ARHGEF28: variants seen among roughly 807,000 people sequenced by gnomAD.
ARHGEF28 encodes 190 kDa guanine nucleotide exchange factor.
A neutral mutation model predicts 206.6 loss-of-function variants in ARHGEF28; 152 were observed. That is an observed-to-expected ratio of 0.74 (90% CI 0.64 to 0.84). ARHGEF28 has a LOEUF of 0.84. Among genes scored for constraint, ARHGEF28 ranks in the 40% least tolerant of loss-of-function variants. ARHGEF28 has a pLI of 0.00. For missense variants in ARHGEF28, 2,028 were observed against 2,073.2 expected, an observed-to-expected ratio of 0.98 and a Z score of 0.42; for synonymous variants, 763 against 776.4, an observed-to-expected ratio of 0.98 and a Z score of 0.29.
At chr5:73,716,423 T>A (rs910045784) in intron 2 of ARHGEF28, among the ~76,000 whole-genome samples, 6 of 152,230 alleles carry the variant, frequency 3.9e-5, no homozygotes, top group Non-Finnish European at 7.3e-5. Flanking sequence ...TTGCTTATGT[T>A]TGTTTTGACT....
intron 2 of ARHGEF28, among the ~76,000 whole-genome samples, chr5:73,689,758 T>G (rs189725853): frequency 6.8e-6 from 1 of 147,504 alleles, no homozygotes; most frequent in African/African-American, 2.6e-5. Flanking sequence ...GTCTGTTTAT[T>G]CCAAGGAGAA....
At chr5:73,824,205 G>A (rs1258441229) in intron 9 of ARHGEF28, among the ~76,000 whole-genome samples, 1 of 152,180 alleles carries the variant, frequency 6.6e-6, no homozygotes, top group Non-Finnish European at 1.5e-5. Context: ...GGATTAAACA[G>A]TAATACTCTT....
In ARHGEF28 at chr5:73,810,517, C is replaced by T. The variant is rs151205694; in HGVS notation, c.1024+15126C>T. On this transcript the variant is annotated intron_variant, in intron 9 of 35. Coordinates refer to ENST00000513042, the MANE Select transcript of ARHGEF28 (RefSeq NM_001177693.2). The stretch of plus-strand genomic sequence containing the variant: ...GTTCTTCTGACCTGTCACTGGTAGT[C>T]ACGGGAGGAACAGCCTATTCCAGTA... 8.3e-3 allele frequency among the ~76,000 whole-genome samples: 1,262 copies of T among 152,162 alleles called. 24 individuals carry two copies. Among genetic ancestry groups the T allele is most frequent in the African/African-American group, 0.028 (1,169 of 41,490 alleles).
chr5:73,629,383 T>C (rs1174135874), intron 1 of ARHGEF28, among the ~76,000 whole-genome samples: 1 of 151,832 alleles, frequency 6.6e-6, no homozygotes, highest in Non-Finnish European at 1.5e-5. Context: ...GGTGTGTGCC[T>C]ATAGTCCCAG....
Position 73,800,627 on chromosome 5 carries a change from C to CA in ARHGEF28, c.1024+5244dup, listed in dbSNP as rs1316477689. 1.6e-3 allele frequency among the ~76,000 whole-genome samples: 244 copies of CA among 149,566 alleles called. 1 individual carries two copies. The highest frequency in any genetic ancestry group is 2.1e-3 in the Non-Finnish European group (144 of 67,450). The stretch of plus-strand genomic sequence containing the variant: ...TATGGAAGGAAACCCAACTTCATAC[C>CA]AAAAAAAACAAAACAAAACAGAAAA... On this transcript the variant is annotated intron_variant, in intron 9 of 35. Transcript: ENST00000513042.
chr5:73,662,130 A>T (rs934869558), intron 1 of ARHGEF28, among the ~76,000 whole-genome samples: 14 of 152,222 alleles, frequency 9.2e-5, no homozygotes, highest in Non-Finnish European at 2.1e-4. Flanking sequence ...CTTTTCCAGA[A>T]CAGGTAGAGA....
intron 1 of ARHGEF28, among the ~76,000 whole-genome samples, chr5:73,646,907 C>T (rs1018627158): frequency 2.0e-5 from 3 of 151,380 alleles, no homozygotes; most frequent in African/African-American, 7.3e-5. Flanking sequence ...TTTCTTGCCC[C>T]GCCATCACTA....
chr5:73,781,699 C>A (rs1369817972), intron 7 of ARHGEF28, among the ~76,000 whole-genome samples: 1 of 152,096 alleles, frequency 6.6e-6, no homozygotes, highest in Non-Finnish European at 1.5e-5. Context: ...CACATTATTG[C>A]GTCTCCTAGG....
chr5:73,874,406 T>C (rs1239913184), intron 22 of ARHGEF28, among the ~76,000 whole-genome samples: 2 of 152,224 alleles, frequency 1.3e-5, no homozygotes, highest in East Asian at 3.9e-4. Context: ...TTTTATTTAT[T>C]TTTATTTTTT....
chr5:73,901,616 TG>T, intron 31 of ARHGEF28: 1 of 161,202 alleles, frequency 6.2e-6, no homozygotes, highest in South Asian at 1.8e-4. Flanking sequence ...CTGGCAGCTC[TG>T]GCACCCGGGG....
In ARHGEF28 at chr5:73,817,061, G is replaced by A. The variant is rs554870895; in HGVS notation, c.1025-15277G>A. ...ATACAGGAATTAGGCTTTACCCAAG[G>A]TTCTCATAATTGTCATTCAATCTTT... is the stretch of plus-strand genomic sequence containing the variant. On this transcript the variant is annotated intron_variant, in intron 9 of 35. Transcript: ENST00000513042. Among the ~76,000 whole-genome samples, 14 of 152,262 alleles carry A rather than the reference G, an allele frequency of 9.2e-5. No individual in the cohort carries two copies. In the East Asian group the frequency reaches 2.7e-3, roughly 29 times the overall value.
At chr5:73,815,226 G>A (rs147095025) in intron 9 of ARHGEF28, among the ~76,000 whole-genome samples, 146 of 150,842 alleles carry the variant, frequency 9.7e-4, no homozygotes, top group Non-Finnish European at 1.8e-3. Flanking sequence ...ACAAGCATGC[G>A]CTTATAAAAA....
intron 13 of ARHGEF28, among the ~76,000 whole-genome samples, chr5:73,850,829 C>T (rs575479024): frequency 1.3e-5 from 2 of 152,066 alleles, no homozygotes; most frequent in Admixed American, 6.6e-5. Flanking sequence ...TTTCAGTAAA[C>T]GAAACCTTAT....
At chr5:73,833,966 A>T (rs1465670144) in intron 10 of ARHGEF28, among the ~76,000 whole-genome samples, 1 of 152,088 alleles carries the variant, frequency 6.6e-6, no homozygotes, top group Non-Finnish European at 1.5e-5. Context: ...TGAGATTTGG[A>T]TGGGGACACA....
chr5:73,676,394 C>T (rs187237515), intron 1 of ARHGEF28, among the ~76,000 whole-genome samples: 1 of 152,164 alleles, frequency 6.6e-6, no homozygotes, highest in Non-Finnish European at 1.5e-5. Context: ...TGCCACCACA[C>T]CCAGCTAATT....
intron 1 of ARHGEF28, among the ~76,000 whole-genome samples, chr5:73,664,899 C>T (rs1369935653): frequency 2.0e-5 from 3 of 152,128 alleles, no homozygotes; most frequent in Non-Finnish European, 4.4e-5. Flanking sequence ...ATATGCTTCT[C>T]CTTGGTCAAT....
rs1034385309 is a variant in ARHGEF28, at chr5:73,909,546, G to A, written c.4296G>A (p.Arg1432=). 5 of 1,583,506 alleles carry A rather than the reference G, an allele frequency of 3.2e-6. No individual in the cohort carries two copies. The highest frequency in any genetic ancestry group is 1.8e-5 in the Admixed American group (1 of 54,944). Residue 1432 remains arginine (R), a synonymous_variant, in exon 34 of 36, where the codon AGG becomes AGA. Coordinates refer to ENST00000513042, the MANE Select transcript of ARHGEF28 (RefSeq NM_001177693.2). ...ACCAGAAGTCTCGCGACGCGGACAGGCAGCATGAGGAGCTGGCCAATGTGC... is the reference window on the plus strand; with the variant it reads ...ACCAGAAGTCTCGCGACGCGGACAGACAGCATGAGGAGCTGGCCAATGTGC... The part of the protein sequence containing the change: ...LQDQKSRDAD[R]QHEELANVHQ...
intron 15 of ARHGEF28, 83 bp from the exon 16 acceptor site, chr5:73,858,004 T>A: frequency 6.6e-7 from 1 of 1,525,570 alleles, no homozygotes; most frequent in South Asian, 1.3e-5. Flanking sequence ...TTTGCTCAGA[T>A]GATTTCTATA....
chr5:73,750,018 T>A, intron 3 of ARHGEF28, 34 bp downstream of exon 3: 2 of 1,607,662 alleles, frequency 1.2e-6, no homozygotes, highest in Non-Finnish European at 1.7e-6. Flanking sequence ...AGCTGGGAAA[T>A]TAGTCTGCAA....
Sources: gnomAD v4.1 joint callset for allele counts (sites outside exome capture counted in the v4.1 genomes callset) on GRCh38, gnomAD v4.1.1 for gene constraint, MANE v1.5 for transcripts, NCBI Gene and HGNC (gene_info 2026-07-23, HGNC 2026-07-21) for gene names.